Variants in SLC2A9 observed in about 807,000 individuals in gnomAD.
SLC2A9 encodes solute carrier family 2 member 9, also known as solute carrier family 2, facilitated glucose transporter member 9.
A neutral mutation model predicts 50.6 loss-of-function variants in SLC2A9; 39 were observed. That is an observed-to-expected ratio of 0.77 (90% CI 0.60 to 1.01). SLC2A9 has a LOEUF of 1.01. Ranked by LOEUF, SLC2A9 falls within the 50% of genes least tolerant of loss-of-function variation. SLC2A9 has a pLI of 0.00. For missense variants in SLC2A9, 686 were observed against 677.6 expected (o/e 1.01, Z -0.14); for synonymous variants, 324 against 276.9 (o/e 1.17, Z -1.69).
intron 2 of SLC2A9, among the ~76,000 whole-genome samples, chr4:10,003,261 C>A (rs533743082): frequency 6.6e-6 from 1 of 152,232 alleles, no homozygotes; most frequent in South Asian, 2.1e-4. Context: ...TAATACCCAC[C>A]CTGGAAGGCC....
intron 1 of SLC2A9, among the ~76,000 whole-genome samples, chr4:10,030,621 T>G (rs1342860626): frequency 6.6e-6 from 1 of 152,148 alleles, no homozygotes; most frequent in Non-Finnish European, 1.5e-5. Flanking sequence ...CCTCATAATT[T>G]TTCTGTGAAC....
At chr4:9,805,709 T>TTAAAAA in intron 3 of SLC2A9, among the ~76,000 whole-genome samples, 1 of 125,752 alleles carries the variant, frequency 8.0e-6, no homozygotes. Context: ...TTTTTTTGTC[T>TTAAAAA]CAAAAAAAAA....
intron 5 of SLC2A9, among the ~76,000 whole-genome samples, chr4:9,968,872 T>C (rs1281214707): frequency 6.6e-6 from 1 of 152,178 alleles, no homozygotes; most frequent in Admixed American, 6.5e-5. Context: ...ATGGAGACTT[T>C]AAGGGTTAAA....
At chr4:9,825,151 CACTTT>C (rs1456003403), downstream of SLC2A9, among the ~76,000 whole-genome samples, 3 of 152,214 alleles carry the variant, frequency 2.0e-5, no homozygotes, top group Admixed American at 6.5e-5. Flanking sequence ...AATTCAAGTG[CACTTT>C]ACTTTACTTT....
intron 7 of SLC2A9, among the ~76,000 whole-genome samples, chr4:9,918,053 G>A (rs569464362): frequency 6.6e-6 from 1 of 152,124 alleles, no homozygotes; most frequent in East Asian, 1.9e-4. Context: ...GACCCTCTGT[G>A]AGTCACACGT....
intron 11 of SLC2A9, among the ~76,000 whole-genome samples, chr4:9,832,602 GA>G (rs1171751876): frequency 6.6e-6 from 1 of 152,112 alleles, no homozygotes; most frequent in Non-Finnish European, 1.5e-5. Flanking sequence ...GATTTGTTTC[GA>G]AAATGCCCAC....
intron 6 of SLC2A9, among the ~76,000 whole-genome samples, chr4:9,936,770 G>C (rs538496519): frequency 6.6e-6 from 1 of 152,286 alleles, no homozygotes. Context: ...GAGGCTGTGA[G>C]TGGCAGGATG....
intron 3 of SLC2A9, among the ~76,000 whole-genome samples, chr4:9,989,694 C>T (rs935775024): frequency 1.3e-5 from 2 of 152,070 alleles, no homozygotes; most frequent in Admixed American, 6.5e-5. Flanking sequence ...GTTCTTAAAA[C>T]GTTCCACTGA....
At chr4:9,935,325 T>C (rs181132694) in intron 6 of SLC2A9, among the ~76,000 whole-genome samples, 1 of 152,368 alleles carries the variant, frequency 6.6e-6, no homozygotes, top group Non-Finnish European at 1.5e-5. Context: ...GCCCACTTAG[T>C]GCTCATTCTG....
intron 3 of SLC2A9, among the ~76,000 whole-genome samples, chr4:9,805,673 G>A (rs968951324): frequency 3.4e-5 from 5 of 147,986 alleles, no homozygotes; most frequent in East Asian, 2.0e-4. Flanking sequence ...TTCAGCCTGC[G>A]CAGCAGGGTG....
At chr4:10,013,554 C>A (rs548282142) in intron 2 of SLC2A9, among the ~76,000 whole-genome samples, 1 of 152,178 alleles carries the variant, frequency 6.6e-6, no homozygotes, top group Non-Finnish European at 1.5e-5. Flanking sequence ...AGCTGCCTTG[C>A]AATATTATAA....
chr4:9,847,214 T>A (rs1427300401), intron 10 of SLC2A9, among the ~76,000 whole-genome samples: 1 of 152,210 alleles, frequency 6.6e-6, no homozygotes, highest in Non-Finnish European at 1.5e-5. Flanking sequence ...TGACTTACAG[T>A]TCTGCACGGC....
At chr4:9,821,222 G>A (rs1461508973) in intron 3 of SLC2A9, among the ~76,000 whole-genome samples, 1 of 152,110 alleles carries the variant, frequency 6.6e-6, no homozygotes, top group East Asian at 1.9e-4. Flanking sequence ...TAATATGGGG[G>A]ATTAAATTGA....
At chr4:9,843,528 T>A (rs1003920557) in intron 10 of SLC2A9, among the ~76,000 whole-genome samples, 2 of 151,994 alleles carry the variant, frequency 1.3e-5, no homozygotes, top group African/African-American at 2.4e-5. Context: ...GATACTATAG[T>A]TTGGAGCATG....
intron 3 of SLC2A9, among the ~76,000 whole-genome samples, chr4:9,801,541 A>T (rs1278592263): frequency 6.6e-6 from 1 of 152,198 alleles, no homozygotes; most frequent in Non-Finnish European, 1.5e-5. Flanking sequence ...TGGCTGAGGG[A>T]CTAACCCAGT....
intron 10 of SLC2A9, chr4:9,880,227 C>G (rs6824636): frequency 0.7 from 685,877 of 985,272 alleles, 244,611 homozygotes; most frequent in Non-Finnish European, 0.73. Context: ...ACTGTACACT[C>G]TCAATGTGAG....
At chr4:9,909,811 A>T (rs1307834158) in intron 7 of SLC2A9, among the ~76,000 whole-genome samples, 3 of 152,266 alleles carry the variant, frequency 2.0e-5, no homozygotes, top group Non-Finnish European at 4.4e-5. Flanking sequence ...CACCCCCTGC[A>T]TTAAAGGACC....
At chr4:9,929,091 T>C (rs562063805) in intron 6 of SLC2A9, among the ~76,000 whole-genome samples, 3 of 152,254 alleles carry the variant, frequency 2.0e-5, no homozygotes, top group Non-Finnish European at 4.4e-5. Context: ...ATTTTTGAGC[T>C]ATCCACGTTG....
intron 6 of SLC2A9, among the ~76,000 whole-genome samples, chr4:9,938,580 C>T (rs1189762224): frequency 6.6e-6 from 1 of 152,054 alleles, no homozygotes; most frequent in African/African-American, 2.4e-5. Context: ...CGATCTTTTG[C>T]TATTATGGTT....
Sources: allele counts gnomAD v4.1 joint callset (sites outside exome capture counted in the v4.1 genomes callset), GRCh38; gene constraint gnomAD v4.1.1; transcripts MANE v1.5; gene names NCBI Gene and HGNC (gene_info 2026-07-23, HGNC 2026-07-21).